ATP8A2: variants seen among roughly 807,000 people sequenced by gnomAD.
The protein encoded by ATP8A2 is phospholipid-transporting ATPase IB.
A neutral mutation model predicts 165.6 loss-of-function variants in ATP8A2; 100 were observed. The observed-to-expected ratio is 0.60, with a 90% CI of 0.51 to 0.71. ATP8A2 has a LOEUF of 0.71. ATP8A2 is among the 30% of genes least tolerant of loss of function. ATP8A2 has a pLI of 0.00. For synonymous variants in ATP8A2, 543 were observed against 548.8 expected (o/e 0.99, Z 0.15); for missense variants, 1,227 against 1,479.5 (o/e 0.83, Z 2.80).
At chr13:25,908,161 A>G (rs17082852) in intron 33 of ATP8A2, among the ~76,000 whole-genome samples, 3,747 of 152,268 alleles carry the variant, frequency 0.025, 142 homozygotes, top group African/African-American at 0.084. Flanking sequence ...ATAGTCATGT[A>G]ACGCCCCATG....
chr13:25,448,043 T>G (rs2035116085), intron 1 of ATP8A2, among the ~76,000 whole-genome samples: 2 of 152,022 alleles, frequency 1.3e-5, no homozygotes, highest in African/African-American at 4.8e-5. Context: ...CAGGATGGGG[T>G]GTGGTGTGCC....
At chr13:25,531,281 T>TTATATATGA (rs2038057466) in intron 4 of ATP8A2, among the ~76,000 whole-genome samples, 2 of 27,578 alleles carry the variant, frequency 7.3e-5, no homozygotes, top group Admixed American at 3.7e-4. Context: ...GATATATATG[T>TTATATATGA]TATATATGAT....
At chr13:25,800,614 A>G (rs1950602709) in intron 27 of ATP8A2, among the ~76,000 whole-genome samples, 1 of 152,146 alleles carries the variant, frequency 6.6e-6, no homozygotes. Context: ...CATCCATAGG[A>G]AGGAGATTTG....
intron 25 of ATP8A2, among the ~76,000 whole-genome samples, chr13:25,726,521 T>G (rs1048507069): frequency 6.6e-6 from 1 of 152,224 alleles, no homozygotes. Flanking sequence ...TTCCTCGGCT[T>G]GTGGCCCCTT....
chr13:25,534,753 A>G (rs2038222136), intron 6 of ATP8A2, among the ~76,000 whole-genome samples: 1 of 152,252 alleles, frequency 6.6e-6, no homozygotes, highest in African/African-American at 2.4e-5. Context: ...AGGCATGGGA[A>G]GAATGAAGCT....
intron 1 of ATP8A2, among the ~76,000 whole-genome samples, chr13:25,421,230 T>G (rs1333416382): frequency 1.3e-5 from 2 of 152,264 alleles, no homozygotes; most frequent in African/African-American, 4.8e-5. Flanking sequence ...GAGTACATTT[T>G]GTTTTCTAGG....
intron 34 of ATP8A2, among the ~76,000 whole-genome samples, chr13:25,962,201 C>G (rs1955674998): frequency 6.6e-6 from 1 of 152,106 alleles, no homozygotes; most frequent in African/African-American, 2.4e-5. Flanking sequence ...ATCATAAACT[C>G]AGTGCTAAGT....
chr13:25,729,432 C>G (rs568075351), intron 25 of ATP8A2, among the ~76,000 whole-genome samples: 1 of 152,290 alleles, frequency 6.6e-6, no homozygotes, highest in East Asian at 1.9e-4. Flanking sequence ...TCATTTAACC[C>G]TGATTCATAC....
intron 30 of ATP8A2, among the ~76,000 whole-genome samples, chr13:25,843,340 C>A (rs1383027848): frequency 1.3e-5 from 2 of 152,126 alleles, no homozygotes; most frequent in Non-Finnish European, 2.9e-5. Context: ...CTGCCCCAGA[C>A]TGGAAAAAAC....
In ATP8A2 at chr13:25,708,371, A is replaced by G. The variant is rs182392342; in HGVS notation, c.2384+9026A>G. On this transcript the variant is annotated intron_variant, in intron 25 of 36. Coordinates refer to ENST00000381655, the MANE Select transcript of ATP8A2 (RefSeq NM_016529.6). ...TGTTTCATTAATACAAGAATGTGTC[A>G]TGTTAACTTTCATCAGGAAAAAATT... is the stretch of plus-strand genomic sequence containing the variant. Among the ~76,000 whole-genome samples, 5 of 152,344 alleles carry G rather than the reference A, an allele frequency of 3.3e-5. No individual in the cohort carries two copies. The East Asian group carries it at 9.6e-4, about 29-fold the overall frequency.
intron 24 of ATP8A2, among the ~76,000 whole-genome samples, chr13:25,597,204 A>G (rs1181283045): frequency 6.6e-6 from 1 of 152,062 alleles, no homozygotes; most frequent in African/African-American, 2.4e-5. Context: ...TTTTTTACCA[A>G]TCTTTGTCTT....
intron 33 of ATP8A2, among the ~76,000 whole-genome samples, chr13:25,895,707 C>G (rs899304469): frequency 2.8e-4 from 42 of 152,222 alleles, no homozygotes; most frequent in African/African-American, 1.0e-3. Context: ...GCCTCAATTT[C>G]AGAGCCTGTT....
Position 25,623,304 on chromosome 13 carries a change from A to G in ATP8A2, c.2211+33605A>G, listed in dbSNP as rs562018147. Among the ~76,000 whole-genome samples the G allele has an allele frequency of 5.6e-3, 854 of 152,234 alleles. 5 individuals carry two copies. Among genetic ancestry groups the G allele is most frequent in the Non-Finnish European group, 8.4e-3 (571 of 68,018 alleles). On this transcript the variant is annotated intron_variant, in intron 24 of 36. Transcript: ENST00000381655. Reference sequence around the variant, plus strand: ...CCAGCTACTTGGGAGACTGAGGTGGAAGGATCACTTGAGCCCAGGAGTTTG... The same window carrying G: ...CCAGCTACTTGGGAGACTGAGGTGGGAGGATCACTTGAGCCCAGGAGTTTG...
At chr13:25,500,608 CAG>C (rs2036825119) in intron 2 of ATP8A2, among the ~76,000 whole-genome samples, 1 of 151,880 alleles carries the variant, frequency 6.6e-6, no homozygotes, top group South Asian at 2.1e-4. Flanking sequence ...TTTTTTGAGA[CAG>C]GGTCTCACTC....
intron 1 of ATP8A2, among the ~76,000 whole-genome samples, chr13:25,384,677 A>G (rs1442953787): frequency 1.3e-5 from 2 of 151,998 alleles, no homozygotes; most frequent in African/African-American, 4.8e-5. Context: ...CTCTTTTTTC[A>G]TAACAGCCTA....
chr13:25,790,605 G>A (rs187183055), intron 27 of ATP8A2, among the ~76,000 whole-genome samples: 61 of 151,788 alleles, frequency 4.0e-4, no homozygotes, highest in Admixed American at 3.1e-3. Context: ...TGAGGTGGGA[G>A]GATCGCTTGA....
At chr13:25,857,426 G>C (rs2138739918) in intron 30 of ATP8A2, among the ~76,000 whole-genome samples, 1 of 152,152 alleles carries the variant, frequency 6.6e-6, no homozygotes, top group Non-Finnish European at 1.5e-5. Flanking sequence ...CCAGGCTGGA[G>C]TGCACTGTTG....
At chr13:25,894,474 C>T (rs1953472254) in intron 33 of ATP8A2, among the ~76,000 whole-genome samples, 1 of 152,128 alleles carries the variant, frequency 6.6e-6, no homozygotes, top group African/African-American at 2.4e-5. Flanking sequence ...AGCATGATGC[C>T]TCCAGCTTTG....
chr13:26,012,707 A>G, intron 36 of ATP8A2, 85 bp downstream of exon 36: 1 of 70,214 alleles, frequency 1.4e-5, no homozygotes, highest in Non-Finnish European at 2.1e-5. Flanking sequence ...GCGGGCGCTG[A>G]TGGGGGGCCG....
Sources: allele counts gnomAD v4.1 joint callset (sites outside exome capture counted in the v4.1 genomes callset), GRCh38; gene constraint gnomAD v4.1.1; transcripts MANE v1.5; gene names NCBI Gene and HGNC (gene_info 2026-07-23, HGNC 2026-07-21).